Variants in GNB1 observed in about 807,000 individuals in gnomAD.
GNB1 encodes guanine nucleotide-binding protein G(I)/G(S)/G(T) subunit beta-1.
GNB1 carries 2 observed loss-of-function variants against 42.9 expected under a neutral mutation model. The observed-to-expected ratio is 0.05, with a 90% CI of 0.02 to 0.15. The LOEUF (loss-of-function observed/expected upper bound fraction) is 0.15. Ranked by LOEUF, GNB1 falls within the 10% of genes least tolerant of loss-of-function variation. GNB1 has a pLI of 1.00. For missense variants in GNB1, 193 were observed against 462.2 expected (o/e 0.42, Z 5.34); for synonymous variants, 183 against 174.7 (o/e 1.05, Z -0.38).
At chr1:1,843,330 C>T (rs1160629469) in intron 1 of GNB1, among the ~76,000 whole-genome samples, 1 of 152,170 alleles carries the variant, frequency 6.6e-6, no homozygotes, top group Non-Finnish European at 1.5e-5. Context: ...GGTGATCCTC[C>T]TGCCTCAGCC....
At chr1:1,788,896 C>A (rs1570617100) in intron 10 of GNB1, 157 bp downstream of exon 10, 1 of 610,424 alleles carries the variant, frequency 1.6e-6, no homozygotes, top group Non-Finnish European at 2.9e-6. Context: ...CCTGGAGGGT[C>A]AGAGCTGGGC....
At chr1:1,883,490 C>T (rs1437891678) in intron 1 of GNB1, among the ~76,000 whole-genome samples, 1 of 152,114 alleles carries the variant, frequency 6.6e-6, no homozygotes, top group Non-Finnish European at 1.5e-5. Flanking sequence ...ATTTGTTAAC[C>T]TTGCCATAAA....
At chr1:1,804,270 G>A (rs1320876779) in intron 7 of GNB1, 149 bp downstream of exon 7, 1 of 570,290 alleles carries the variant, frequency 1.8e-6, no homozygotes, top group African/African-American at 1.9e-5. Context: ...CCGCACTCCA[G>A]CCTGGGTGAC....
intron 1 of GNB1, among the ~76,000 whole-genome samples, chr1:1,869,667 C>G (rs1367718981): frequency 6.6e-6 from 1 of 152,150 alleles, no homozygotes; most frequent in Non-Finnish European, 1.5e-5. Flanking sequence ...TTTTCTGCCT[C>G]TTCTTCCAGA....
intron 8 of GNB1, among the ~76,000 whole-genome samples, chr1:1,792,201 C>T (rs1035165672): frequency 6.6e-6 from 1 of 152,124 alleles, no homozygotes; most frequent in African/African-American, 2.4e-5. Context: ...AAGGTGAAAA[C>T]ACTAAAAATG....
chr1:1,874,343 G>A (rs963746060), intron 1 of GNB1, among the ~76,000 whole-genome samples: 1 of 151,916 alleles, frequency 6.6e-6, no homozygotes, highest in Non-Finnish European at 1.5e-5. Context: ...GGTGGCTCAC[G>A]CGTGTCTGTA....
At chr1:1,837,362 C>A (rs1407475622) in intron 2 of GNB1, among the ~76,000 whole-genome samples, 1 of 150,898 alleles carries the variant, frequency 6.6e-6, no homozygotes, top group Non-Finnish European at 1.5e-5. Context: ...TCATGCCATT[C>A]TCCTGCCTTG....
At chr1:1,851,353 T>TGAGCCGAGATTGCACC (rs1452290796) in intron 1 of GNB1, among the ~76,000 whole-genome samples, 1 of 145,874 alleles carries the variant, frequency 6.9e-6, no homozygotes, top group African/African-American at 2.6e-5. Context: ...GAGGTTGCAG[T>TGAGCCGAGATTGCACC]GAGCCGAGAT....
At chr1:1,788,487 G>C (rs994599991) in intron 10 of GNB1, 1 of 155,430 alleles carries the variant, frequency 6.4e-6, no homozygotes, top group African/African-American at 2.4e-5. Flanking sequence ...GTTTAACCAG[G>C]AGGTGGGAGT....
chr1:1,799,197 G>A (rs1646590495), intron 7 of GNB1, among the ~76,000 whole-genome samples: 1 of 152,188 alleles, frequency 6.6e-6, no homozygotes. Flanking sequence ...TGGGATTACA[G>A]GCGTGAGCCA....
intron 2 of GNB1, among the ~76,000 whole-genome samples, chr1:1,833,153 T>G (rs1283786422): frequency 1.3e-5 from 2 of 151,990 alleles, no homozygotes; most frequent in African/African-American, 4.8e-5. Flanking sequence ...TCTGGATGGT[T>G]TGGACAACTT....
At chr1:1,789,713 G>T (rs1218746846) in intron 9 of GNB1, among the ~76,000 whole-genome samples, 1 of 150,612 alleles carries the variant, frequency 6.6e-6, no homozygotes, top group Non-Finnish European at 1.5e-5. Flanking sequence ...AAAAAAAAAG[G>T]GTGGGGGGAT....
chr1:1,790,368 C>T lies in GNB1; in HGVS notation c.699+27G>A, dbSNP rs573084848. On this transcript the variant is annotated intron_variant, in intron 9 of 11. Transcript: ENST00000378609. The surrounding 1 kb of genome is among the most constrained non-coding windows in gnomAD (Gnocchi z 5.4). ...CGGCTAGCAGAGACGGCAGAGGACC[C>T]GACCCCACACCTCCACCCAGACTCA... is the stretch of plus-strand genomic sequence containing the variant. 119 of 1,546,322 alleles carry T rather than the reference C, an allele frequency of 7.7e-5. 2 individuals carry two copies. In the South Asian group the frequency reaches 1.1e-3, roughly 15 times the overall value.
chr1:1,871,959 C>A (rs2101785043), intron 1 of GNB1, among the ~76,000 whole-genome samples: 1 of 152,234 alleles, frequency 6.6e-6, no homozygotes, highest in East Asian at 1.9e-4. Context: ...AATCTGTGCC[C>A]CCGACAATCC....
intron 5 of GNB1, among the ~76,000 whole-genome samples, chr1:1,814,817 A>AAG (rs1646829649): frequency 6.7e-6 from 1 of 149,748 alleles, no homozygotes; most frequent in South Asian, 2.1e-4. Flanking sequence ...AAAAAAAAAA[A>AAG]AAAGAAAAAA....
At chr1:1,798,625 A>G (rs557817817) in intron 7 of GNB1, among the ~76,000 whole-genome samples, 2 of 152,364 alleles carry the variant, frequency 1.3e-5, no homozygotes, top group East Asian at 3.9e-4. Flanking sequence ...CAAAGCTCTA[A>G]GAGCAAGCGT....
At chr1:1,839,277 A>C (rs1331234387) in intron 1 of GNB1, 39 bp from the exon 2 acceptor site, 1 of 152,198 alleles carries the variant, frequency 6.6e-6, no homozygotes, top group African/African-American at 2.4e-5. Flanking sequence ...TATTGCACTC[A>C]GGTTGTGAAT....
rs114635430 is a variant in GNB1, at chr1:1,881,924, A to T, written c.-96+8896T>A. Among the ~76,000 whole-genome samples the T allele has an allele frequency of 9.7e-3, 1,467 of 151,046 alleles. 20 individuals are homozygous for T. Among genetic ancestry groups the T allele is most frequent in the African/African-American group, 0.034 (1,386 of 41,110 alleles). The stretch of plus-strand genomic sequence containing the variant: ...ACACCATCTCATCAGCCTAGGATAC[A>T]CTCCTCCCCTCCATCCCCACCTGCC... On this transcript the variant is annotated intron_variant, in intron 1 of 11. Transcript: ENST00000378609.
At chr1:1,797,846 G>A (rs1646567356) in intron 7 of GNB1, among the ~76,000 whole-genome samples, 1 of 152,222 alleles carries the variant, frequency 6.6e-6, no homozygotes, top group South Asian at 2.1e-4. Flanking sequence ...CCACCCAAGG[G>A]AGGCGCACAG....
Sources: gnomAD v4.1 joint callset for allele counts (sites outside exome capture counted in the v4.1 genomes callset) on GRCh38, gnomAD v4.1.1 for gene constraint, Gnocchi (gnomAD v3.1) non-coding constraint, MANE v1.5 for transcripts, NCBI Gene and HGNC (gene_info 2026-07-23, HGNC 2026-07-21) for gene names.